Variants in CTNND2 observed in about 807,000 individuals in gnomAD.
The protein encoded by CTNND2 is catenin delta 2, also known as catenin delta-2.
A neutral mutation model predicts 144.4 loss-of-function variants in CTNND2; 22 were observed. The observed-to-expected ratio is 0.15, with a 90% CI of 0.11 to 0.22. CTNND2 has a LOEUF of 0.22. Among genes scored for constraint, CTNND2 ranks in the 10% least tolerant of loss-of-function variants. The pLI is 1.00. For missense variants in CTNND2, 1,353 were observed against 1,618.8 expected (o/e 0.84, Z 2.82); for synonymous variants, 751 against 695.6 (o/e 1.08, Z -1.25).
At chr5:11,308,855 T>A (rs1243788698) in intron 9 of CTNND2, among the ~76,000 whole-genome samples, 4 of 152,116 alleles carry the variant, frequency 2.6e-5, no homozygotes, top group Non-Finnish European at 5.9e-5. Context: ...AGCTCACAGT[T>A]CCACAGAGTA....
chr5:10,978,015 T>G (rs1736715098), intron 21 of CTNND2, among the ~76,000 whole-genome samples: 1 of 152,194 alleles, frequency 6.6e-6, no homozygotes, highest in Non-Finnish European at 1.5e-5. Flanking sequence ...CATGAATTGC[T>G]TCCCCATAAG....
At chr5:11,647,390 C>T (rs1001971108) in intron 2 of CTNND2, among the ~76,000 whole-genome samples, 14 of 151,944 alleles carry the variant, frequency 9.2e-5, no homozygotes, top group African/African-American at 2.7e-4. Flanking sequence ...GTGTGGAATC[C>T]AACATCAGCT....
Position 11,299,206 on chromosome 5 carries a change from C to T in CTNND2, c.1628+47166G>A, listed in dbSNP as rs149799645. Among the ~76,000 whole-genome samples, 435 of 152,264 alleles carry T rather than the reference C, an allele frequency of 2.9e-3. 1 individual carries two copies. The highest frequency in any genetic ancestry group is 9.0e-3 in the African/African-American group (373 of 41,542). On this transcript the variant is annotated intron_variant, in intron 9 of 21. Coordinates refer to ENST00000304623, the MANE Select transcript of CTNND2 (RefSeq NM_001332.4). ...TTCCTAGCTGTTCTTTGGTTTTGGA[C>T]TGGCTTTTCTTCACGGTTTGGTCTA...
intron 1 of CTNND2, among the ~76,000 whole-genome samples, chr5:11,772,861 A>G (rs1453546429): frequency 6.6e-6 from 1 of 152,214 alleles, no homozygotes; most frequent in Non-Finnish European, 1.5e-5. Context: ...CTCTTCAAAT[A>G]AAAGTTTTCA....
chr5:11,700,371 C>G (rs1208264978), intron 2 of CTNND2, among the ~76,000 whole-genome samples: 1 of 152,148 alleles, frequency 6.6e-6, no homozygotes. Context: ...GCCTGGGCAA[C>G]AGAGTGAGAC....
At chr5:11,301,121 A>G (rs879560769) in intron 9 of CTNND2, among the ~76,000 whole-genome samples, 6 of 152,002 alleles carry the variant, frequency 3.9e-5, no homozygotes, top group Non-Finnish European at 7.4e-5. Context: ...GGTTCAAGCA[A>G]TTCTCCTATG....
chr5:11,365,013 T>C, intron 7 of CTNND2, 123 bp from the exon 8 acceptor site: 1 of 755,360 alleles, frequency 1.3e-6, no homozygotes, highest in Non-Finnish European at 2.1e-6. Context: ...ACCAAATGAA[T>C]AGCATGAAAT....
At chr5:11,851,737 C>G (rs77443477) in intron 1 of CTNND2, among the ~76,000 whole-genome samples, 1 of 152,182 alleles carries the variant, frequency 6.6e-6, no homozygotes, top group Non-Finnish European at 1.5e-5. Context: ...ATGGCCAATT[C>G]CATTTGTGAT....
intron 12 of CTNND2, among the ~76,000 whole-genome samples, chr5:11,132,256 G>C (rs577183557): frequency 6.6e-6 from 1 of 152,324 alleles, no homozygotes; most frequent in East Asian, 1.9e-4. Context: ...AGAAGCCGCT[G>C]TTATTCTGTG....
chr5:11,008,388 C>G (rs930851259), intron 18 of CTNND2, among the ~76,000 whole-genome samples: 3 of 152,080 alleles, frequency 2.0e-5, no homozygotes, highest in African/African-American at 7.2e-5. Flanking sequence ...GCAGGCAGTA[C>G]GACAACATAA....
intron 3 of CTNND2, among the ~76,000 whole-genome samples, chr5:11,516,323 G>A (rs192629330): frequency 5.4e-4 from 82 of 151,920 alleles, no homozygotes; most frequent in Non-Finnish European, 1.0e-3. Context: ...AGTCCTGGAC[G>A]AGGCAATTAG....
intron 9 of CTNND2, among the ~76,000 whole-genome samples, chr5:11,300,581 G>C (rs1340476625): frequency 6.6e-6 from 1 of 151,414 alleles, no homozygotes; most frequent in Non-Finnish European, 1.5e-5. Flanking sequence ...GATTTAGCAA[G>C]TAATACAGGA....
chr5:11,884,635 A>G (rs1377546910), intron 1 of CTNND2, among the ~76,000 whole-genome samples: 8 of 151,992 alleles, frequency 5.3e-5, no homozygotes, highest in Admixed American at 5.2e-4. Flanking sequence ...CTCCTTTCCA[A>G]TTTGGATGCA....
At chr5:11,862,125 T>C (rs1795532030) in intron 1 of CTNND2, among the ~76,000 whole-genome samples, 1 of 152,170 alleles carries the variant, frequency 6.6e-6, no homozygotes, top group Non-Finnish European at 1.5e-5. Context: ...AATTAAGACT[T>C]CTTTCAACTA....
chr5:11,153,107 T>C (rs1338703831), intron 12 of CTNND2, among the ~76,000 whole-genome samples: 4 of 151,908 alleles, frequency 2.6e-5, no homozygotes, highest in African/African-American at 9.7e-5. Flanking sequence ...CTACTAAAAA[T>C]ACAAAAATTA....
At position 11,117,573 on chromosome 5, in the gene CTNND2, A is replaced by G; in HGVS notation, c.2160-6T>C. 2 of 1,608,898 alleles carry G rather than the reference A, an allele frequency of 1.2e-6. No homozygotes were observed. Among genetic ancestry groups the G allele is most frequent in the Non-Finnish European group, 1.7e-6 (2 of 1,175,248 alleles). On this transcript the variant is annotated splice_polypyrimidine_tract_variant and splice_region_variant and intron_variant, in intron 12 of 21. Transcript: ENST00000304623. ...CTCCGGCCGAACTAACATTCCTGCA[A>G]AGCAAAAGGACACGTCAGCGATCTT... is the stretch of plus-strand genomic sequence containing the variant.
intron 2 of CTNND2, among the ~76,000 whole-genome samples, chr5:11,665,503 G>C (rs917836552): frequency 3.9e-5 from 6 of 152,134 alleles, no homozygotes; most frequent in African/African-American, 1.4e-4. Flanking sequence ...GATTTCACTT[G>C]AGGAGAAAAT....
At chr5:11,671,965 A>G (rs1486453018) in intron 2 of CTNND2, among the ~76,000 whole-genome samples, 1 of 151,996 alleles carries the variant, frequency 6.6e-6, no homozygotes, top group Non-Finnish European at 1.5e-5. Context: ...GGGGTCTCTG[A>G]GTAGATGTCC....
At chr5:11,096,115 C>G (rs1041743929) in intron 15 of CTNND2, among the ~76,000 whole-genome samples, 19 of 151,928 alleles carry the variant, frequency 1.3e-4, no homozygotes, top group Non-Finnish European at 2.4e-4. Context: ...ATTCTGTAAT[C>G]TTATAATCTG....
Sources: gnomAD v4.1 joint callset for allele counts (sites outside exome capture counted in the v4.1 genomes callset) on GRCh38, gnomAD v4.1.1 for gene constraint, MANE v1.5 for transcripts, NCBI Gene and HGNC (gene_info 2026-07-23, HGNC 2026-07-21) for gene names.